Variants in ZNF385B observed in about 807,000 individuals in gnomAD.
The protein encoded by ZNF385B is zinc finger protein 385B.
ZNF385B carries 23 observed loss-of-function variants against 39.2 expected under a neutral mutation model. The ratio of observed to expected loss-of-function variants is 0.59; its 90% CI spans 0.42 to 0.83. ZNF385B has a LOEUF of 0.83. Ranked by LOEUF, ZNF385B falls within the 40% of genes least tolerant of loss-of-function variation. The pLI, the probability that ZNF385B is intolerant of heterozygous loss-of-function variation, is 0.00. For missense variants in ZNF385B, 552 were observed against 598.9 expected (o/e 0.92, Z 0.82); for synonymous variants, 205 against 222.6 (o/e 0.92, Z 0.70).
At chr2:179,452,034 T>C (rs1164672799) in intron 6 of ZNF385B, among the ~76,000 whole-genome samples, 1 of 152,126 alleles carries the variant, frequency 6.6e-6, no homozygotes, top group East Asian at 1.9e-4. Context: ...CTGTCCTAAT[T>C]ATTTCTTGAT....
chr2:179,810,208 A>T (rs2106565577), intron 1 of ZNF385B, among the ~76,000 whole-genome samples: 1 of 152,018 alleles, frequency 6.6e-6, no homozygotes, highest in Non-Finnish European at 1.5e-5. Flanking sequence ...AAAAATTTTT[A>T]AGTGATTGTT....
intron 1 of ZNF385B, among the ~76,000 whole-genome samples, chr2:179,808,431 A>G (rs1185234544): frequency 6.6e-6 from 1 of 152,222 alleles, no homozygotes; most frequent in Admixed American, 6.5e-5. Flanking sequence ...GTGAAGAGAA[A>G]GGGATAAAGC....
intron 3 of ZNF385B, chr2:179,637,168 G>A (rs186156449): frequency 1.3e-4 from 20 of 152,150 alleles, no homozygotes; most frequent in Non-Finnish European, 5.9e-5. Context: ...AATATTTCAG[G>A]AAAATTTCCA....
chr2:179,524,572 A>G (rs2058759467), intron 4 of ZNF385B, among the ~76,000 whole-genome samples: 1 of 146,418 alleles, frequency 6.8e-6, no homozygotes, highest in Non-Finnish European at 1.5e-5. Context: ...AAAAAAAAAA[A>G]AAAAAAAAAA....
In ZNF385B at chr2:179,446,572, C is replaced by T. The variant is rs771678471; in HGVS notation, c.914G>A (p.Cys305Tyr). ...KAKKLLYCSL[C>Y]KVAVNSLSQL... ...TGACAGGGAGTTCACAGCCACTTTG[C>T]ATAGTGAACAATAAAGTAATTTTTT... The change falls in exon 7 of 10, where the codon TGC becomes TAC. Residue 305 changes from cysteine to tyrosine, a missense_variant. Transcript: ENST00000410066. 6.2e-7 allele frequency: 1 copy of T among 1,614,078 alleles called. No homozygotes were observed. Among genetic ancestry groups the T allele is most frequent in the East Asian group, 2.2e-5 (1 of 44,868 alleles).
At chr2:179,645,987 C>T (rs1692685855) in intron 3 of ZNF385B, among the ~76,000 whole-genome samples, 1 of 152,224 alleles carries the variant, frequency 6.6e-6, no homozygotes, top group South Asian at 2.1e-4. Context: ...AATCTGTCTC[C>T]TTCTTTCCAT....
At chr2:179,715,427 G>T (rs987774092) in intron 3 of ZNF385B, among the ~76,000 whole-genome samples, 2 of 152,196 alleles carry the variant, frequency 1.3e-5, no homozygotes, top group Non-Finnish European at 2.9e-5. Context: ...CATAATATTA[G>T]AAGTGTGTTT....
At chr2:179,560,290 C>T (rs2061243318) in intron 3 of ZNF385B, among the ~76,000 whole-genome samples, 1 of 152,090 alleles carries the variant, frequency 6.6e-6, no homozygotes, top group African/African-American at 2.4e-5. Flanking sequence ...TATAAAGCAA[C>T]AAAGGAATGG....
intron 6 of ZNF385B, among the ~76,000 whole-genome samples, chr2:179,474,328 T>C (rs1405433812): frequency 2.6e-5 from 4 of 152,210 alleles, no homozygotes; most frequent in Non-Finnish European, 5.9e-5. Context: ...ATTGAAAATA[T>C]TTGGTTGGTG....
At chr2:179,831,840 A>G (rs1207293845) in intron 1 of ZNF385B, among the ~76,000 whole-genome samples, 2 of 152,234 alleles carry the variant, frequency 1.3e-5, no homozygotes, top group Admixed American at 6.5e-5. Flanking sequence ...TGAGATCTCA[A>G]TTTATGGACT....
intron 6 of ZNF385B, among the ~76,000 whole-genome samples, chr2:179,455,218 T>G (rs1364878028): frequency 6.6e-6 from 1 of 152,142 alleles, no homozygotes; most frequent in Non-Finnish European, 1.5e-5. Context: ...CCTACAGTAT[T>G]TAGTACAGTA....
At chr2:179,675,214 A>T (rs186996727) in intron 3 of ZNF385B, among the ~76,000 whole-genome samples, 2 of 152,346 alleles carry the variant, frequency 1.3e-5, no homozygotes, top group East Asian at 3.9e-4. Flanking sequence ...TTTAGAAAAT[A>T]AGGAAGAAAA....
chr2:179,688,490 A>AAACAACAAC (rs75401653), intron 3 of ZNF385B, among the ~76,000 whole-genome samples: 4,361 of 149,660 alleles, frequency 0.029, 193 homozygotes, highest in African/African-American at 0.089. Context: ...TCCCCCTGCA[A>AAACAACAAC]AACAACAACA....
intron 1 of ZNF385B, among the ~76,000 whole-genome samples, chr2:179,847,526 T>C (rs762001933): frequency 2.6e-5 from 4 of 152,230 alleles, no homozygotes; most frequent in Non-Finnish European, 4.4e-5. Flanking sequence ...CCAGAAACTA[T>C]GTATTTAATT....
At chr2:179,565,780 C>T (rs149250475) in intron 3 of ZNF385B, among the ~76,000 whole-genome samples, 6 of 152,352 alleles carry the variant, frequency 3.9e-5, no homozygotes, top group East Asian at 3.9e-4. Flanking sequence ...ATCTCTTCCA[C>T]GAAGCCTTCC....
chr2:179,777,517 G>A (rs1306409383), intron 1 of ZNF385B, among the ~76,000 whole-genome samples: 1 of 151,878 alleles, frequency 6.6e-6, no homozygotes, highest in African/African-American at 2.4e-5. Context: ...CTATTAGGAT[G>A]GAAATCAGAT....
At chr2:179,684,781 A>G (rs1013133015) in intron 3 of ZNF385B, among the ~76,000 whole-genome samples, 1 of 152,252 alleles carries the variant, frequency 6.6e-6, no homozygotes, top group African/African-American at 2.4e-5. Context: ...TCCCCAAGGA[A>G]TGTCCAAAGA....
At chr2:179,670,373 T>C (rs1354485382) in intron 3 of ZNF385B, among the ~76,000 whole-genome samples, 1 of 151,774 alleles carries the variant, frequency 6.6e-6, no homozygotes, top group African/African-American at 2.4e-5. Context: ...TTATTGAGTG[T>C]GGAATTGGGA....
intron 3 of ZNF385B, among the ~76,000 whole-genome samples, chr2:179,567,918 C>G (rs1158900684): frequency 1.3e-5 from 2 of 152,126 alleles, no homozygotes; most frequent in African/African-American, 4.8e-5. Context: ...CTTTCCGGGA[C>G]CACTTACGGT....
Sources: allele counts gnomAD v4.1 joint callset (sites outside exome capture counted in the v4.1 genomes callset), GRCh38; gene constraint gnomAD v4.1.1; transcripts MANE v1.5; gene names NCBI Gene and HGNC (gene_info 2026-07-23, HGNC 2026-07-21).